The following ADAMTS16 variants were observed in gnomAD, a reference collection of about 807,000 sequenced individuals.
The protein encoded by ADAMTS16 is ADAM metallopeptidase with thrombospondin type 1 motif 16, also known as A disintegrin and metalloproteinase with thrombospondin motifs 16.
In ADAMTS16, 94 loss-of-function variants were observed where a neutral mutation model predicts 145.8. That is an observed-to-expected ratio of 0.64 (90% CI 0.55 to 0.77). The LOEUF is 0.77. ADAMTS16 is among the 30% of genes least tolerant of loss of function. The probability of loss-of-function intolerance (pLI) is 0.00; values close to 1 mark genes in which losing one functional copy is unlikely to be tolerated. For missense variants in ADAMTS16, 1,585 were observed against 1,591.5 expected, an observed-to-expected ratio of 1.00 and a Z score of 0.07; for synonymous variants, 659 against 604.3, an observed-to-expected ratio of 1.09 and a Z score of -1.33.
intron 2 of ADAMTS16, among the ~76,000 whole-genome samples, chr5:5,141,130 C>A (rs557777912): frequency 6.6e-6 from 1 of 152,286 alleles, no homozygotes; most frequent in African/African-American, 2.4e-5. Flanking sequence ...CCTTCTACAT[C>A]CTCGGATCCT....
intron 6 of ADAMTS16, among the ~76,000 whole-genome samples, chr5:5,188,245 A>G (rs1489985923): frequency 2.6e-5 from 4 of 152,176 alleles, no homozygotes; most frequent in Admixed American, 1.3e-4. Context: ...GCTTTATTCA[A>G]TTATCTCCCA....
intron 5 of ADAMTS16, among the ~76,000 whole-genome samples, chr5:5,186,843 G>A (rs973046966): frequency 6.6e-6 from 1 of 152,082 alleles, no homozygotes; most frequent in Non-Finnish European, 1.5e-5. Context: ...ACAAAATATT[G>A]GGTTGCCAAA....
At chr5:5,296,741 G>A (rs561532900) in intron 18 of ADAMTS16, among the ~76,000 whole-genome samples, 15 of 152,288 alleles carry the variant, frequency 9.8e-5, no homozygotes, top group Non-Finnish European at 1.9e-4. Context: ...TTGTGCTATC[G>A]TTGGACATGA....
At chr5:5,144,916 T>A (rs1428018) in intron 2 of ADAMTS16, among the ~76,000 whole-genome samples, 112,101 of 151,938 alleles carry the variant, frequency 0.74, 41,867 homozygotes, top group Middle Eastern at 0.87. Flanking sequence ...CAGCCAACTG[T>A]GGAAAGAGTG....
intron 17 of ADAMTS16, among the ~76,000 whole-genome samples, chr5:5,248,943 C>T (rs750268996): frequency 3.3e-5 from 5 of 152,192 alleles, no homozygotes; most frequent in Non-Finnish European, 7.3e-5. Context: ...AAGGACGTAT[C>T]TGTCTATCTG....
intron 18 of ADAMTS16, among the ~76,000 whole-genome samples, chr5:5,265,987 TGTGTG>T (rs1738226613): frequency 2.2e-4 from 1 of 4,474 alleles, no homozygotes; most frequent in Non-Finnish European, 7.6e-4. Flanking sequence ...CTTAAAGAAG[TGTGTG>T]TGTGTGTGTG....
intron 10 of ADAMTS16, among the ~76,000 whole-genome samples, chr5:5,220,735 G>A (rs79178694): frequency 0.018 from 2,721 of 152,112 alleles, 84 homozygotes; most frequent in African/African-American, 0.062. Flanking sequence ...ACGATTAGAC[G>A]TTGCTGTCCT....
chr5:5,192,926 A>C (rs187252928), intron 8 of ADAMTS16, among the ~76,000 whole-genome samples: 1 of 152,342 alleles, frequency 6.6e-6, no homozygotes, highest in East Asian at 1.9e-4. Context: ...ACCAACTGGA[A>C]TGCAAATCTT....
At chr5:5,188,325 G>T (rs1056961829) in intron 6 of ADAMTS16, among the ~76,000 whole-genome samples, 2 of 152,082 alleles carry the variant, frequency 1.3e-5, no homozygotes, top group Non-Finnish European at 2.9e-5. Context: ...ACTTTCAAGC[G>T]CATTTCCCTC....
At chr5:5,186,763 T>G (rs1022346081) in intron 5 of ADAMTS16, among the ~76,000 whole-genome samples, 1 of 152,248 alleles carries the variant, frequency 6.6e-6, no homozygotes, top group Admixed American at 6.5e-5. Flanking sequence ...GGCAGCTGTA[T>G]TAATCACTGA....
intron 20 of ADAMTS16, among the ~76,000 whole-genome samples, chr5:5,304,252 G>A (rs983767552): frequency 6.6e-6 from 1 of 152,164 alleles, no homozygotes; most frequent in South Asian, 2.1e-4. Context: ...TGTTAGTTTT[G>A]TTGAAATCGA....
At chr5:5,229,442 C>T (rs1374476013) in intron 11 of ADAMTS16, among the ~76,000 whole-genome samples, 3 of 152,096 alleles carry the variant, frequency 2.0e-5, no homozygotes, top group African/African-American at 7.2e-5. Context: ...ACCTTGTATC[C>T]TTTGTTCGGT....
intron 9 of ADAMTS16, among the ~76,000 whole-genome samples, chr5:5,207,674 G>A (rs1316915850): frequency 6.7e-6 from 1 of 150,312 alleles, no homozygotes; most frequent in African/African-American, 2.4e-5. Context: ...TATATTTTTT[G>A]TAGATGGAAG....
Position 5,306,586 on chromosome 5 carries a change from T to C in ADAMTS16, c.3269T>C (p.Leu1090Pro). The C allele has an allele frequency of 6.2e-7, 1 of 1,614,234 alleles. No individual in the cohort carries two copies. The highest frequency in any genetic ancestry group is 8.5e-7 in the Non-Finnish European group (1 of 1,180,054). ...EKYVSGKYRE[L>P]ASKKCSHLPK... is the part of the protein sequence containing the mutation. ...TATGTTTCTGGAAAGTATCGAGAGC[T>C]GGCCTCAAAGAAGTGCTCACATTTG... Residue 1090 changes from leucine to proline, a missense_variant, in exon 21 of 23, where the codon CTG becomes CCG. This residue lies in a region of ADAMTS16 where 834 missense variants were observed against 811.7 expected (regional missense o/e 1.03). Coordinates refer to ENST00000274181, the MANE Select transcript of ADAMTS16 (RefSeq NM_139056.4).
chr5:5,181,561 C>A (rs148732215), intron 3 of ADAMTS16, among the ~76,000 whole-genome samples: 11 of 152,246 alleles, frequency 7.2e-5, no homozygotes, highest in Non-Finnish European at 1.5e-4. Context: ...TGTTAAGTTA[C>A]CCTTTTCTAG....
At chr5:5,220,725 A>T (rs1736580774) in intron 10 of ADAMTS16, among the ~76,000 whole-genome samples, 1 of 152,020 alleles carries the variant, frequency 6.6e-6, no homozygotes. Context: ...GGACAAGTCC[A>T]CGATTAGACG....
intron 18 of ADAMTS16, among the ~76,000 whole-genome samples, chr5:5,267,051 T>C (rs531217386): frequency 3.3e-5 from 5 of 152,304 alleles, no homozygotes; most frequent in African/African-American, 1.2e-4. Context: ...GAAAATCTCT[T>C]TGGAATTGAA....
chr5:5,221,588 G>A (rs1485553039), intron 10 of ADAMTS16, among the ~76,000 whole-genome samples: 2 of 152,124 alleles, frequency 1.3e-5, no homozygotes, highest in Non-Finnish European at 2.9e-5. Flanking sequence ...TTAAAACACT[G>A]AACGTTTACT....
At chr5:5,156,299 T>C (rs920499452) in intron 3 of ADAMTS16, among the ~76,000 whole-genome samples, 2 of 152,184 alleles carry the variant, frequency 1.3e-5, no homozygotes, top group Non-Finnish European at 2.9e-5. Flanking sequence ...TTTTCTTGCT[T>C]TATCCCCAAC....
Sources: gnomAD v4.1 joint callset for allele counts (sites outside exome capture counted in the v4.1 genomes callset) on GRCh38, gnomAD v4.1.1 for gene constraint, gnomAD v4.1.1 regional missense constraint, MANE v1.5 for transcripts, NCBI Gene and HGNC (gene_info 2026-07-23, HGNC 2026-07-21) for gene names.